The following RAB9B variants were observed in gnomAD, a reference collection of about 807,000 sequenced individuals.
RAB9B encodes the protein RAB9B, member RAS oncogene family, also known as ras-related protein Rab-9B.
RAB9B carries 1 observed loss-of-function variant against 8.9 expected under a neutral mutation model. The ratio of observed to expected loss-of-function variants is 0.11; its 90% CI spans 0.04 to 0.53. The LOEUF (loss-of-function observed/expected upper bound fraction) is 0.53. Ranked by LOEUF, RAB9B falls within the 20% of genes least tolerant of loss-of-function variation. The pLI, the probability that RAB9B is intolerant of heterozygous loss-of-function variation, is 0.93. For missense variants in RAB9B, 82 were observed against 152.9 expected (o/e 0.54, Z 2.45); for synonymous variants, 63 against 57.0 (o/e 1.10, Z -0.47).
At chrX:103,821,534 T>C (rs182495900), downstream of RAB9B, among the ~76,000 whole-genome samples, 4 of 111,793 alleles carry the variant, frequency 3.6e-5, no homozygotes, top group Non-Finnish European at 7.5e-5. Context: ...AAACCGCCAT[T>C]ATGTATATTC....
rs897459423 is a variant in RAB9B, at chrX:103,822,345, C to A, written c.*2834G>T. The A allele has an allele frequency of 8.9e-6, 1 of 112,221 alleles. No homozygotes were observed. Among genetic ancestry groups the A allele is most frequent in the African/African-American group, 3.2e-5 (1 of 30,884 alleles). 9.2% of individuals were successfully genotyped at this position (112,221 alleles called of 1,213,427 possible). Reference sequence around the variant, plus strand: ...CATTGTGTGCTGGTTATTCAAAATGCACTTTTTATTCACTTTAACACAGAT... The same window carrying A: ...CATTGTGTGCTGGTTATTCAAAATGAACTTTTTATTCACTTTAACACAGAT... On this transcript the variant is annotated 3_prime_UTR_variant, in exon 3 of 3. Transcript: ENST00000243298.
chrX:103,807,977 C>T, the RAB9B span, among the ~76,000 whole-genome samples: 6 of 112,150 alleles, frequency 5.3e-5, no homozygotes, highest in Middle Eastern at 4.6e-3. Context: ...TAAAATGGGA[C>T]GAGTTATCCC....
chrX:103,813,343 C>G, the RAB9B span, among the ~76,000 whole-genome samples: 1 of 111,206 alleles, frequency 9.0e-6, no homozygotes, highest in African/African-American at 3.3e-5. Flanking sequence ...AAACTGGACT[C>G]AACCTTCCTT....
chrX:103,783,010 G>A, the RAB9B span, among the ~76,000 whole-genome samples: 4 of 112,022 alleles, frequency 3.6e-5, no homozygotes, highest in South Asian at 1.5e-3. Context: ...TAAGAGTTTG[G>A]GGGTGGGGAG....
chrX:103,777,567 G>A, the RAB9B span, among the ~76,000 whole-genome samples: 1 of 112,076 alleles, frequency 8.9e-6, no homozygotes, highest in Admixed American at 9.5e-5. Context: ...GATATGGGTA[G>A]GAGTGTGTGT....
chrX:103,795,339 C>T, the RAB9B span, among the ~76,000 whole-genome samples: 4 of 111,380 alleles, frequency 3.6e-5, no homozygotes, highest in African/African-American at 1.3e-4. Context: ...ATTAAATAGG[C>T]TTGGACTGTT....
chrX:103,817,406 A>C (rs755823242), downstream of RAB9B, among the ~76,000 whole-genome samples: 7 of 110,460 alleles, frequency 6.3e-5, no homozygotes, highest in African/African-American at 2.3e-4. Flanking sequence ...CAGGGAGGGG[A>C]ACATCACACA....
chrX:103,776,985 G>C, the RAB9B span: 1 of 1,203,838 alleles, frequency 8.3e-7, no homozygotes, highest in Non-Finnish European at 1.1e-6. Flanking sequence ...TGGAGTCAGA[G>C]TCCCAAAGAC....
At position 103,825,819 on chromosome X, in the gene RAB9B, A is replaced by C; in HGVS notation, c.-35T>G. Reference sequence around the variant, plus strand: ...ACCAGAAGGGAAGGAGTTTGTAACCAAGAGAACCTGAAAATAAAAGGAAAA... The same window carrying C: ...ACCAGAAGGGAAGGAGTTTGTAACCCAGAGAACCTGAAAATAAAAGGAAAA... On this transcript the variant is annotated 5_prime_UTR_variant, in exon 3 of 3. Coordinates refer to ENST00000243298, the MANE Select transcript of RAB9B (RefSeq NM_016370.4). The C allele has an allele frequency of 8.9e-7, 1 of 1,128,729 alleles. No individual in the cohort carries two copies. The highest frequency in any genetic ancestry group is 1.2e-6 in the Non-Finnish European group (1 of 850,081). 93.0% of individuals were successfully genotyped at this position (1,128,729 alleles called of 1,213,427 possible). A position where few individuals can be genotyped will look rare whatever the true frequency, so the allele number is the denominator to read the frequency against.
intron 1 of RAB9B, among the ~76,000 whole-genome samples, chrX:103,831,049 G>C (rs1244642485): frequency 9.0e-6 from 1 of 111,065 alleles, no homozygotes; most frequent in Non-Finnish European, 1.9e-5. Flanking sequence ...TTGGAAGTCT[G>C]TACAGGGGAG....
chrX:103,786,088 G>A, the RAB9B span: 3 of 1,065,736 alleles, frequency 2.8e-6, no homozygotes, highest in Non-Finnish European at 3.6e-6. Flanking sequence ...GCCAAGGGAG[G>A]CACTAAGCCT....
chrX:103,829,718 C>T (rs1216704789), intron 1 of RAB9B, among the ~76,000 whole-genome samples: 1 of 112,094 alleles, frequency 8.9e-6, no homozygotes, highest in African/African-American at 3.2e-5. Context: ...AGCTCAGGAT[C>T]TCATTGTTTA....
Position 103,825,092 on chromosome X carries a change from CGTGTGT to C in RAB9B, c.*81_*86del. 3 of 952,547 alleles carry C rather than the reference CGTGTGT, an allele frequency of 3.1e-6. No homozygotes were observed. The highest frequency in any genetic ancestry group is 2.9e-4 in the Middle Eastern group (1 of 3,505). The allele number at this position is 952,547 out of a possible 1,213,427, so 78.5% of individuals were successfully genotyped here. A position where few individuals can be genotyped will look rare whatever the true frequency, so the allele number is the denominator to read the frequency against. ...ACCTTGTCTCTTACCCTCTTGTGTG[CGTGTGT>C]GTGCACTCTTAGAGGGGCACAGTTA... On this transcript the variant is annotated 3_prime_UTR_variant, in exon 3 of 3. Coordinates refer to ENST00000243298, the MANE Select transcript of RAB9B (RefSeq NM_016370.4).
At chrX:103,789,237 G>C in the RAB9B span, 1 of 678,711 alleles carries the variant, frequency 1.5e-6, no homozygotes, top group South Asian at 2.1e-5. Context: ...ACACAAGAAA[G>C]ATATCAACAC....
At chrX:103,786,809 G>T in the RAB9B span, 679 of 1,025,503 alleles carry the variant, frequency 6.6e-4, 1 homozygote, top group Non-Finnish European at 9.1e-4. Flanking sequence ...CCCACCCAAG[G>T]CTGGGTCCTC....
the RAB9B span, among the ~76,000 whole-genome samples, chrX:103,812,566 ACT>A: frequency 9.0e-6 from 1 of 111,724 alleles, no homozygotes; most frequent in South Asian, 3.8e-4. Context: ...AAAACCAACA[ACT>A]CTGATTTTAA....
chrX:103,786,432 T>C, the RAB9B span: 4 of 1,194,714 alleles, frequency 3.3e-6, no homozygotes, highest in Non-Finnish European at 4.5e-6. Context: ...TTAATAAGAT[T>C]CCCTGGTCTC....
the RAB9B span, among the ~76,000 whole-genome samples, chrX:103,800,794 A>G: frequency 1.1e-4 from 12 of 111,940 alleles, no homozygotes; most frequent in Non-Finnish European, 1.5e-4. Context: ...CACAGGTAAG[A>G]AAGGCTTTTG....
chrX:103,799,332 T>C, the RAB9B span, among the ~76,000 whole-genome samples: 1 of 111,339 alleles, frequency 9.0e-6, no homozygotes, highest in Non-Finnish European at 1.9e-5. Context: ...TTCTCACTGA[T>C]TGTTAAAAAG....
Sources: allele counts gnomAD v4.1 joint callset (sites outside exome capture counted in the v4.1 genomes callset), GRCh38; gene constraint gnomAD v4.1.1; transcripts MANE v1.5; gene names NCBI Gene and HGNC (gene_info 2026-07-23, HGNC 2026-07-21).